SYT17: variants seen among roughly 807,000 people sequenced by gnomAD.
SYT17 encodes synaptotagmin 17, also known as synaptotagmin-17.
In SYT17, 22 loss-of-function variants were observed where a neutral mutation model predicts 46.7. That is an observed-to-expected ratio of 0.47 (90% CI 0.34 to 0.67). The LOEUF is 0.67. Among genes scored for constraint, SYT17 ranks in the 30% least tolerant of loss-of-function variants. SYT17 has a pLI of 0.01. For missense variants in SYT17, 519 were observed against 612.8 expected (o/e 0.85, Z 1.62); for synonymous variants, 251 against 248.4 (o/e 1.01, Z -0.10).
chr16:19,181,879 A>C (rs1964570195), intron 4 of SYT17, among the ~76,000 whole-genome samples: 1 of 151,964 alleles, frequency 6.6e-6, no homozygotes, highest in African/African-American at 2.4e-5. Context: ...CATGCCTGTA[A>C]TCCCAGCTAC....
At chr16:19,236,071 CT>C (rs1220596873) in intron 7 of SYT17, among the ~76,000 whole-genome samples, 1 of 152,204 alleles carries the variant, frequency 6.6e-6, no homozygotes, top group Non-Finnish European at 1.5e-5. Context: ...CAGACAACCC[CT>C]GAGTTCCTTA....
chr16:19,181,071 A>G (rs1196890404), intron 4 of SYT17, among the ~76,000 whole-genome samples: 1 of 152,214 alleles, frequency 6.6e-6, no homozygotes, highest in Non-Finnish European at 1.5e-5. Flanking sequence ...TCTGCTACTC[A>G]GCTCTGGCCA....
rs200067071 is a variant in SYT17 at position 19,173,874 on chromosome 16, G to A, written c.182+296G>A. ...TAAGCGTGTGGGCGTTTTTAGTCAC[G>A]TGGAGCGTGGTTCCGAGCAGAAAAG... On this transcript the variant is annotated intron_variant, in intron 3 of 7. Transcript: ENST00000355377. Among the ~76,000 whole-genome samples the A allele has an allele frequency of 3.2e-4, 48 of 152,258 alleles. No individual in the cohort carries two copies. The East Asian group carries it at 8.7e-3, about 28-fold the overall frequency.
intron 7 of SYT17, among the ~76,000 whole-genome samples, chr16:19,229,224 T>C (rs1282801471): frequency 1.3e-5 from 2 of 152,166 alleles, no homozygotes; most frequent in African/African-American, 2.4e-5. Context: ...CTCGCATTGT[T>C]ACAATGAAAT....
intron 3 of SYT17, among the ~76,000 whole-genome samples, chr16:19,174,182 T>C (rs1173020401): frequency 6.6e-6 from 1 of 152,218 alleles, no homozygotes; most frequent in Non-Finnish European, 1.5e-5. Context: ...TTTCGTTTTA[T>C]TTCTAATTTG....
intron 5 of SYT17, among the ~76,000 whole-genome samples, chr16:19,206,877 T>A (rs1326204608): frequency 1.3e-5 from 2 of 152,200 alleles, no homozygotes; most frequent in Non-Finnish European, 2.9e-5. Flanking sequence ...ATAAGGACTG[T>A]GGACCCCCAT....
At chr16:19,197,442 GTTTGTTATTA>G (rs961152227) in intron 5 of SYT17, among the ~76,000 whole-genome samples, 4 of 146,032 alleles carry the variant, frequency 2.7e-5, no homozygotes, top group Middle Eastern at 3.5e-3. Context: ...TTGTTTGTTT[GTTTGTTATTA>G]TTATTATTTT....
At chr16:19,215,330 AG>A (rs1029615386) in intron 5 of SYT17, among the ~76,000 whole-genome samples, 38 of 152,258 alleles carry the variant, frequency 2.5e-4, no homozygotes, top group Non-Finnish European at 5.9e-5. Flanking sequence ...ACAACAAACC[AG>A]GAATGTAAAT....
chr16:19,184,209 T>G, intron 5 of SYT17, 62 bp downstream of exon 5: 1 of 1,517,964 alleles, frequency 6.6e-7, no homozygotes, highest in Non-Finnish European at 8.8e-7. Flanking sequence ...TTATTTTTAT[T>G]TTATTTTACT....
intron 7 of SYT17, among the ~76,000 whole-genome samples, chr16:19,253,783 A>G (rs983910066): frequency 6.6e-6 from 1 of 152,066 alleles, no homozygotes; most frequent in Non-Finnish European, 1.5e-5. Context: ...GCTGGAGTAC[A>G]GTGGCACGAT....
At chr16:19,205,864 T>A (rs1965651168) in intron 5 of SYT17, among the ~76,000 whole-genome samples, 1 of 152,248 alleles carries the variant, frequency 6.6e-6, no homozygotes, top group Non-Finnish European at 1.5e-5. Flanking sequence ...ACTTAACTGC[T>A]ATCAGACATT....
At chr16:19,250,912 C>G (rs773508878) in intron 7 of SYT17, among the ~76,000 whole-genome samples, 13 of 152,190 alleles carry the variant, frequency 8.5e-5, no homozygotes, top group Non-Finnish European at 1.6e-4. Flanking sequence ...ATCATCCTGA[C>G]CTTTCCTGCC....
At chr16:19,173,706 T>A (rs1964200837) in intron 3 of SYT17, 128 bp downstream of exon 3, 4 of 1,075,190 alleles carry the variant, frequency 3.7e-6, no homozygotes, top group Non-Finnish European at 5.3e-6. Flanking sequence ...GCAGGCTGAG[T>A]TTCCAGGGAC....
At chr16:19,193,170 T>A (rs1226166345) in intron 5 of SYT17, among the ~76,000 whole-genome samples, 2 of 152,210 alleles carry the variant, frequency 1.3e-5, no homozygotes, top group African/African-American at 4.8e-5. Flanking sequence ...GCCCAGCTGC[T>A]TCAGTGGCCG....
chr16:19,177,723 A>G (rs1964370626), intron 3 of SYT17, among the ~76,000 whole-genome samples: 1 of 152,154 alleles, frequency 6.6e-6, no homozygotes, highest in African/African-American at 2.4e-5. Flanking sequence ...TGGGCCCCCA[A>G]CTTTTCTTGG....
intron 7 of SYT17, among the ~76,000 whole-genome samples, chr16:19,230,572 C>G (rs550961368): frequency 6.6e-6 from 1 of 152,306 alleles, no homozygotes; most frequent in East Asian, 1.9e-4. Context: ...TTCAGCCCGG[C>G]AGATCCTGAG....
chr16:19,225,088 A>G (rs1238462617), intron 7 of SYT17, among the ~76,000 whole-genome samples: 4 of 152,222 alleles, frequency 2.6e-5, no homozygotes, highest in Non-Finnish European at 5.9e-5. Flanking sequence ...GTCTTTGGCA[A>G]GTTACTTAAC....
At chr16:19,243,700 C>A (rs1056654901) in intron 7 of SYT17, among the ~76,000 whole-genome samples, 6 of 151,608 alleles carry the variant, frequency 4.0e-5, no homozygotes, top group African/African-American at 1.2e-4. Context: ...TGCCTGTAAT[C>A]CCAGCTACTC....
intron 5 of SYT17, among the ~76,000 whole-genome samples, chr16:19,184,396 GTT>G (rs373284896): frequency 8.4e-5 from 12 of 142,852 alleles, no homozygotes; most frequent in Admixed American, 1.4e-4. Context: ...GATTTCAGTA[GTT>G]TTTTTTTTTT....
Sources: gnomAD v4.1 joint callset for allele counts (sites outside exome capture counted in the v4.1 genomes callset) on GRCh38, gnomAD v4.1.1 for gene constraint, MANE v1.5 for transcripts, NCBI Gene and HGNC (gene_info 2026-07-23, HGNC 2026-07-21) for gene names.